The following CEP78 variants were observed in gnomAD, a reference collection of about 807,000 sequenced individuals.
CEP78 encodes centrosomal protein of 78 kDa.
A neutral mutation model predicts 81.2 loss-of-function variants in CEP78; 76 were observed. That is an observed-to-expected ratio of 0.94 (90% confidence interval 0.78 to 1.13). The LOEUF (loss-of-function observed/expected upper bound fraction) is 1.13, where lower values mean the gene tolerates loss of function less well. Among genes scored for constraint, CEP78 ranks in the 50% most tolerant of loss-of-function variants. The probability of loss-of-function intolerance (pLI) is 0.00; values close to 1 mark genes in which losing one functional copy is unlikely to be tolerated. For missense variants in CEP78, 918 were observed against 846.8 expected (o/e 1.08, Z -1.04); for synonymous variants, 293 against 301.4 (o/e 0.97, Z 0.29).
chr9:78,249,014 A>G (rs1826634451), intron 8 of CEP78, 141 bp downstream of exon 8: 1 of 367,134 alleles, frequency 2.7e-6, no homozygotes. Context: ...TGTTCTGATA[A>G]GATTATGAGA....
chr9:78,242,322 A>G (rs1826273982), intron 4 of CEP78, among the ~76,000 whole-genome samples: 1 of 152,182 alleles, frequency 6.6e-6, no homozygotes, highest in Non-Finnish European at 1.5e-5. Flanking sequence ...ATGACCCACA[A>G]AGCTGAAAAT....
At chr9:78,247,506 A>G in intron 6 of CEP78, among the ~76,000 whole-genome samples, 1 of 152,346 alleles carries the variant, frequency 6.6e-6, no homozygotes, top group East Asian at 1.9e-4. Context: ...CTGGTATGCT[A>G]CAAAGTCAGA....
Position 78,240,183 on chromosome 9 carries a change from T to G in CEP78, c.414T>G (p.Thr138=). 2 of 1,604,046 alleles carry G rather than the reference T, an allele frequency of 1.2e-6. No individual in the cohort carries two copies. Among genetic ancestry groups the G allele is most frequent in the Non-Finnish European group, 1.7e-6 (2 of 1,176,186 alleles). Reference sequence around the variant, plus strand: ...TAATTCTGAGAGAGAGGGATTTAACTATTCTAGCAAAGGTAAGCTTTGTCT... The same window carrying G: ...TAATTCTGAGAGAGAGGGATTTAACGATTCTAGCAAAGGTAAGCTTTGTCT... ...NGLILRERDL[T]ILAKGLNKSA... The change falls in exon 2 of 17, where the codon ACT becomes ACG. Residue 138 remains threonine (T), a synonymous_variant. Transcript: ENST00000643273.
rs977625054 is a variant in CEP78 at position 78,241,700 on chromosome 9, T to C, written c.504T>C (p.Ile168=). Residue 168 remains isoleucine, a synonymous_variant, in exon 4 of 17, where the codon ATT becomes ATC. Coordinates refer to ENST00000643273, the MANE Select transcript of CEP78 (RefSeq NM_001330691.3). ...CPIGDGGLEI[I]CQGIKSSITL... Reference sequence around the variant, plus strand: ...TGGTTTTTTTTTCCATTTTAGTTATTTGTCAAGGTATAAAGAGCTCTATCA... The same window carrying C: ...TGGTTTTTTTTTCCATTTTAGTTATCTGTCAAGGTATAAAGAGCTCTATCA... 4 of 1,532,466 alleles carry C rather than the reference T, an allele frequency of 2.6e-6. No homozygotes were observed. In the African/African-American group the frequency reaches 4.1e-5, roughly 16 times the overall value. The allele number at this position is 1,532,466 out of a possible 1,614,324, so 94.9% of individuals were successfully genotyped here.
intron 15 of CEP78, 32 bp from the exon 16 acceptor site, chr9:78,266,410 T>A: frequency 6.6e-7 from 1 of 1,515,984 alleles, no homozygotes; most frequent in South Asian, 1.2e-5. Context: ...GCTTTGTTTG[T>A]CACTAAATTT....
intron 11 of CEP78, 84 bp downstream of exon 11, chr9:78,255,048 A>G: frequency 8.7e-7 from 1 of 1,150,582 alleles, no homozygotes; most frequent in Non-Finnish European, 1.2e-6. Context: ...TATGAACTGG[A>G]CAGCTTGCAT....
At chr9:78,266,194 G>T (rs1563999000) in intron 15 of CEP78, among the ~76,000 whole-genome samples, 1 of 151,852 alleles carries the variant, frequency 6.6e-6, no homozygotes, top group Non-Finnish European at 1.5e-5. Flanking sequence ...ATAGAATAAG[G>T]TTCTTTTTTT....
chr9:78,274,703 G>T lies in CEP78; in HGVS notation c.*3852G>T, dbSNP rs891893500. ...ATGTGCTCTGTATAATGTAATAATAGTAACAAAAGGCCTGTCCACTTGGAA... is the reference window on the plus strand; with the variant it reads ...ATGTGCTCTGTATAATGTAATAATATTAACAAAAGGCCTGTCCACTTGGAA... On this transcript the variant is annotated 3_prime_UTR_variant, in exon 17 of 17. Coordinates refer to ENST00000643273, the MANE Select transcript of CEP78 (RefSeq NM_001330691.3). The T allele has an allele frequency of 2.0e-5, 3 of 152,050 alleles. No individual in the cohort carries two copies. Among genetic ancestry groups the T allele is most frequent in the Non-Finnish European group, 4.4e-5 (3 of 68,008 alleles). The allele number at this position is 152,050 out of a possible 1,614,324, so 9.4% of individuals were successfully genotyped here.
rs553691642 is a variant in CEP78 at position 78,261,876 on chromosome 9, A to G, written c.1381-1031A>G. On this transcript the variant is annotated intron_variant, in intron 11 of 16. Transcript: ENST00000643273. ...ATGAAACATTAAAGAATTTGTAGTTATTAGGGCATTTACTGATTTTTCAAA... is the reference window on the plus strand; with the variant it reads ...ATGAAACATTAAAGAATTTGTAGTTGTTAGGGCATTTACTGATTTTTCAAA... Among the ~76,000 whole-genome samples the G allele has an allele frequency of 3.3e-5, 5 of 152,312 alleles. No individual in the cohort carries two copies. In the East Asian group the frequency reaches 9.6e-4, roughly 29 times the overall value.
At position 78,262,941 on chromosome 9, in the gene CEP78, A is replaced by G; in HGVS notation, c.1415A>G (p.Glu472Gly). ...KLEECLKQLK[E>G]ERVIRLKVDK... ...GAGGAGTGCCTAAAGCAGTTAAAGG[A>G]AGAAAGAGTGATAAGGCTTAAGGTT... The change falls in exon 12 of 17, where the codon GAA (glutamate) becomes GGA (glycine). Residue 472 changes from glutamate (E) to glycine (G), a missense_variant. Physicochemically the swap from Glu to Gly is moderately conservative, Grantham distance 98 (BLOSUM62 -2). Coordinates refer to ENST00000643273, the MANE Select transcript of CEP78 (RefSeq NM_001330691.3). 1 of 1,546,844 alleles carries G rather than the reference A, an allele frequency of 6.5e-7. No homozygotes were observed. Among genetic ancestry groups the G allele is most frequent in the Non-Finnish European group, 8.7e-7 (1 of 1,144,054 alleles).
chr9:78,256,929 T>C (rs1301742334), intron 11 of CEP78, among the ~76,000 whole-genome samples: 1 of 152,094 alleles, frequency 6.6e-6, no homozygotes, highest in African/African-American at 2.4e-5. Flanking sequence ...TCTTGGAAAT[T>C]ATAATGGTTG....
In CEP78 at chr9:78,273,740, C is replaced by T. The variant is rs560652136; in HGVS notation, c.*2889C>T. 3.3e-5 allele frequency: 5 copies of T among 152,288 alleles called. No individual in the cohort carries two copies. Among genetic ancestry groups the T allele is most frequent in the Admixed American group, 2.0e-4 (3 of 15,298 alleles). The allele number at this position is 152,288 out of a possible 1,614,324, so 9.4% of individuals were successfully genotyped here. On this transcript the variant is annotated 3_prime_UTR_variant, in exon 17 of 17. Coordinates refer to ENST00000643273, the MANE Select transcript of CEP78 (RefSeq NM_001330691.3). ...CCAGCCTGGGCCATAGAGGAGACTC[C>T]GTCTCAAACAAACAAAAACCTTCAT...
Position 78,240,160 on chromosome 9 carries a change from A to G in CEP78, c.391A>G (p.Ile131Val). 6.3e-7 allele frequency: 1 copy of G among 1,599,128 alleles called. No homozygotes were observed. Among genetic ancestry groups the G allele is most frequent in the Non-Finnish European group, 8.5e-7 (1 of 1,175,092 alleles). The change falls in exon 2 of 17, where the codon ATT (isoleucine) becomes GTT (valine). Residue 131 changes from isoleucine to valine, a missense_variant. Transcript: ENST00000643273. ...AAAGAACCTGGAGCTAAATGGACTA[A>G]TTCTGAGAGAGAGGGATTTAACTAT... ...VLKNLELNGL[I>V]LRERDLTILA...
chr9:78,265,225 TGGG>T, intron 13 of CEP78, 144 bp from the exon 14 acceptor site: 1 of 584,192 alleles, frequency 1.7e-6, no homozygotes, highest in Admixed American at 3.4e-5. Context: ...TCTGAGAAAT[TGGG>T]AGGGATGGGG....
intron 11 of CEP78, among the ~76,000 whole-genome samples, chr9:78,255,502 G>T (rs1826978036): frequency 6.6e-6 from 1 of 152,166 alleles, no homozygotes; most frequent in Non-Finnish European, 1.5e-5. Flanking sequence ...GGCTCAGGCA[G>T]ATTTGGTGTC....
At position 78,271,905 on chromosome 9, in the gene CEP78, C is replaced by G. The variant is rs1032573395; in HGVS notation, c.*1054C>G. The G allele has an allele frequency of 6.6e-6, 1 of 151,354 alleles. No homozygotes were observed. The highest frequency in any genetic ancestry group is 1.5e-5 in the Non-Finnish European group (1 of 67,934). The allele number at this position is 151,354 out of a possible 1,614,324, so 9.4% of individuals were successfully genotyped here. A position where few individuals can be genotyped will look rare whatever the true frequency, so the allele number is the denominator to read the frequency against. On this transcript the variant is annotated 3_prime_UTR_variant, in exon 17 of 17. Transcript: ENST00000643273. ...GGTTCTTTCTTTCTTTTCTTTTTTT[C>G]TTTTTTTCTTTTTTTTTTGAGACGG...
chr9:78,275,461 CG>C lies in CEP78; in HGVS notation c.*4613del, dbSNP rs1319074473. The C allele has an allele frequency of 1.3e-5, 2 of 151,736 alleles. No homozygotes were observed. The highest frequency in any genetic ancestry group is 1.5e-5 in the Non-Finnish European group (1 of 68,042). 9.4% of individuals were successfully genotyped at this position (151,736 alleles called of 1,614,324 possible). On this transcript the variant is annotated 3_prime_UTR_variant, in exon 17 of 17. Coordinates refer to ENST00000643273, the MANE Select transcript of CEP78 (RefSeq NM_001330691.3). ...CTCTACTAAAAATACAAAAATTAGC[CG>C]GGCTTGGTGGCGGGCACTTGTAATC...
Position 78,240,318 on chromosome 9 carries a change from G to C in CEP78, c.453G>C (p.Val151=). The C allele has an allele frequency of 6.3e-7, 1 of 1,597,974 alleles. No homozygotes were observed. Among genetic ancestry groups the C allele is most frequent in the Non-Finnish European group, 8.5e-7 (1 of 1,170,944 alleles). The part of the protein sequence containing the change: ...AKGLNKSASL[V]HLSLANCPIG... ...GATTGAATAAATCGGCTTCTTTGGT[G>C]CACCTGTCTCTTGCAAATTGTCCAA... The change falls in exon 3 of 17, where the codon GTG becomes GTC. Residue 151 remains valine (V), a synonymous_variant. Coordinates refer to ENST00000643273, the MANE Select transcript of CEP78 (RefSeq NM_001330691.3).
chr9:78,258,913 A>G (rs1017020016), intron 11 of CEP78, among the ~76,000 whole-genome samples: 6 of 152,228 alleles, frequency 3.9e-5, no homozygotes, highest in African/African-American at 1.4e-4. Flanking sequence ...CACCGGAAGT[A>G]TAAGTGAGCA....
Sources: allele counts gnomAD v4.1 joint callset (sites outside exome capture counted in the v4.1 genomes callset), GRCh38; gene constraint gnomAD v4.1.1; transcripts MANE v1.5; gene names NCBI Gene and HGNC (gene_info 2026-07-23, HGNC 2026-07-21).